KIF4A: variants seen among roughly 807,000 people sequenced by gnomAD.
KIF4A encodes chromosome-associated kinesin KIF4A.
KIF4A carries 7 observed loss-of-function variants against 105.9 expected under a neutral mutation model. The ratio of observed to expected loss-of-function variants is 0.07; its 90% CI spans 0.04 to 0.12. The LOEUF (loss-of-function observed/expected upper bound fraction) is 0.12. KIF4A is among the 10% of genes least tolerant of loss of function. The pLI, the probability that KIF4A is intolerant of heterozygous loss-of-function variation, is 1.00. For missense variants in KIF4A, 558 were observed against 929.2 expected, an observed-to-expected ratio of 0.60 and a Z score of 5.19; for synonymous variants, 281 against 331.3, an observed-to-expected ratio of 0.85 and a Z score of 1.65.
chrX:70,393,832 TCTTTCTTTCTTTCTTTCTTTCTTTCTTTC>T (rs1569250233), intron 20 of KIF4A, among the ~76,000 whole-genome samples: 4 of 6,314 alleles, frequency 6.3e-4, no homozygotes, highest in Middle Eastern at 0.17. Context: ...TTTCTTTCTT[TCTTTCTTTCTTTCTTTCTTTCTTTCTTTC>T]TTTCTTTCTT....
rs2086351131 is a variant in KIF4A at position 70,417,986 on chromosome X, G to T, written c.3354G>T (p.Arg1118=). Residue 1118 remains arginine, a synonymous_variant, in exon 29 of 31, where the codon CGG becomes CGT. Coordinates refer to ENST00000374403, the MANE Select transcript of KIF4A (RefSeq NM_012310.5). The part of the protein sequence containing the change: ...VDCCCDPTKC[R]NRQQGKDSLG... ...GTTGCTGTGACCCCACAAAGTGTCG[G>T]AACCGCCAGCAAGGCAAGGTAGGAT... 1 of 1,207,077 alleles carries T rather than the reference G, an allele frequency of 8.3e-7. No homozygotes were observed. The highest frequency in any genetic ancestry group is 1.1e-6 in the Non-Finnish European group (1 of 893,754).
At chrX:70,349,581 C>T (rs1181850451) in intron 13 of KIF4A, among the ~76,000 whole-genome samples, 7 of 85,244 alleles carry the variant, frequency 8.2e-5, no homozygotes, top group African/African-American at 3.2e-4. Flanking sequence ...ACGGGGCGGC[C>T]GGGCAGAGAT....
intron 3 of KIF4A, 91 bp downstream of exon 3, chrX:70,290,896 G>T: frequency 3.6e-6 from 2 of 560,274 alleles, no homozygotes; most frequent in South Asian, 5.9e-5. Flanking sequence ...GCAAATACAG[G>T]AATCGATGAA....
intron 23 of KIF4A, 147 bp from the exon 24 acceptor site, chrX:70,403,717 T>C: frequency 2.1e-6 from 1 of 479,639 alleles, no homozygotes. Flanking sequence ...TTGGAATCCA[T>C]ATGACATGAA....
intron 15 of KIF4A, among the ~76,000 whole-genome samples, chrX:70,356,204 C>T (rs955847264): frequency 9.1e-6 from 1 of 110,351 alleles, no homozygotes; most frequent in Admixed American, 9.7e-5. Context: ...CACCTGAGCA[C>T]AGGGAGGTGG....
chrX:70,321,299 T>C (rs949215276), intron 7 of KIF4A, among the ~76,000 whole-genome samples: 2 of 112,279 alleles, frequency 1.8e-5, no homozygotes, highest in African/African-American at 6.5e-5. Flanking sequence ...ATCTACAACA[T>C]AGCCACGTTT....
chrX:70,290,896 G>A, intron 3 of KIF4A, 91 bp downstream of exon 3: 1 of 560,275 alleles, frequency 1.8e-6, no homozygotes, highest in African/African-American at 2.3e-5. Flanking sequence ...GCAAATACAG[G>A]AATCGATGAA....
chrX:70,402,522 G>A (rs1195370542), intron 22 of KIF4A, 44 bp from the exon 23 acceptor site: 1 of 1,195,005 alleles, frequency 8.4e-7, no homozygotes, highest in Non-Finnish European at 1.1e-6. Flanking sequence ...CCTTCTTGAT[G>A]TTCAGGCTAC....
chrX:70,326,787 G>T (rs1280033491), intron 7 of KIF4A, among the ~76,000 whole-genome samples: 2 of 111,925 alleles, frequency 1.8e-5, no homozygotes, highest in African/African-American at 6.5e-5. Flanking sequence ...TCATTTTAAT[G>T]TCTTAACAGG....
chrX:70,407,875 C>T (rs2086306854), intron 28 of KIF4A, among the ~76,000 whole-genome samples: 1 of 111,644 alleles, frequency 9.0e-6, no homozygotes, highest in Non-Finnish European at 1.9e-5. Context: ...CGAGACCAGC[C>T]TGACTAACAG....
intron 28 of KIF4A, among the ~76,000 whole-genome samples, chrX:70,410,465 G>C (rs1037565621): frequency 2.7e-5 from 3 of 111,728 alleles, no homozygotes; most frequent in Non-Finnish European, 5.6e-5. Flanking sequence ...CGGGTTCATT[G>C]AGTAACCTTG....
intron 22 of KIF4A, among the ~76,000 whole-genome samples, chrX:70,397,476 G>A (rs894152482): frequency 8.9e-6 from 1 of 112,009 alleles, no homozygotes; most frequent in African/African-American, 3.2e-5. Context: ...AGTGAAGGCC[G>A]CACTTTCTCA....
At chrX:70,373,517 T>TAC (rs1472675685) in intron 15 of KIF4A, among the ~76,000 whole-genome samples, 4 of 4,111 alleles carry the variant, frequency 9.7e-4, no homozygotes, top group African/African-American at 7.6e-3. Context: ...TATACATGTG[T>TAC]GTGTATGTAT....
intron 15 of KIF4A, among the ~76,000 whole-genome samples, chrX:70,364,565 A>G (rs1389948959): frequency 3.7e-5 from 4 of 107,893 alleles, no homozygotes; most frequent in Non-Finnish European, 7.7e-5. Flanking sequence ...ATGCGGCATT[A>G]TTTCTGAGGG....
intron 15 of KIF4A, among the ~76,000 whole-genome samples, chrX:70,354,865 G>C (rs1421926022): frequency 8.9e-6 from 1 of 112,261 alleles, no homozygotes; most frequent in Admixed American, 9.4e-5. Flanking sequence ...AGTGGGGCCA[G>C]GATGAGGAGG....
chrX:70,307,407 A>G (rs2085831756), intron 7 of KIF4A, among the ~76,000 whole-genome samples: 1 of 111,581 alleles, frequency 9.0e-6, no homozygotes, highest in Non-Finnish European at 1.9e-5. Context: ...GTGAATAGAG[A>G]TACTTTTACT....
chrX:70,342,259 A>G (rs995103532), intron 11 of KIF4A, among the ~76,000 whole-genome samples: 8 of 112,520 alleles, frequency 7.1e-5, no homozygotes, highest in Admixed American at 4.7e-4. Context: ...ATCTTTATCC[A>G]TAATACCAAG....
chrX:70,326,098 T>C (rs2085909902), intron 7 of KIF4A, among the ~76,000 whole-genome samples: 1 of 111,703 alleles, frequency 9.0e-6, no homozygotes. Flanking sequence ...TCCCTTTCTC[T>C]TTGACCAGGC....
intron 7 of KIF4A, among the ~76,000 whole-genome samples, chrX:70,310,509 A>C (rs1024418266): frequency 9.0e-5 from 10 of 111,527 alleles, no homozygotes; most frequent in African/African-American, 2.9e-4. Flanking sequence ...GTTATCTCAA[A>C]TTTTTAGCTA....
Sources: gnomAD v4.1 joint callset for allele counts (sites outside exome capture counted in the v4.1 genomes callset) on GRCh38, gnomAD v4.1.1 for gene constraint, MANE v1.5 for transcripts, NCBI Gene and HGNC (gene_info 2026-07-23, HGNC 2026-07-21) for gene names.